The following ZNF619 variants were observed in gnomAD, a reference collection of about 807,000 sequenced individuals.
ZNF619 encodes zinc finger protein 619.
ZNF619 carries 9 observed loss-of-function variants against 14.2 expected under a neutral mutation model. That is an observed-to-expected ratio of 0.64 (90% CI 0.38 to 1.11). The LOEUF (loss-of-function observed/expected upper bound fraction) is 1.11. ZNF619 is among the 50% of genes least tolerant of loss of function. ZNF619 has a pLI of 0.01. For synonymous variants in ZNF619, 246 were observed against 252.8 expected, an observed-to-expected ratio of 0.97 and a Z score of 0.26; for missense variants, 659 against 680.1, an observed-to-expected ratio of 0.97 and a Z score of 0.34.
intron 4 of ZNF619, among the ~76,000 whole-genome samples, chr3:40,485,179 C>T (rs1282547843): frequency 6.6e-6 from 1 of 152,100 alleles, no homozygotes; most frequent in Admixed American, 6.5e-5. Flanking sequence ...AATCTAGAAC[C>T]ATATTCTTTA....
chr3:40,488,664 A>T lies in ZNF619; in HGVS notation c.*423A>T, dbSNP rs1697719750. 1 of 153,308 alleles carries T rather than the reference A, an allele frequency of 6.5e-6. No individual in the cohort carries two copies. Among genetic ancestry groups the T allele is most frequent in the Non-Finnish European group, 1.4e-5 (1 of 70,852 alleles). 9.5% of individuals were successfully genotyped at this position (153,308 alleles called of 1,614,324 possible). On this transcript the variant is annotated 3_prime_UTR_variant, in exon 5 of 5. Coordinates refer to ENST00000432264, the MANE Select transcript of ZNF619 (RefSeq NM_001145093.4). ...TGCTTTCAAGAGCTTTTTTTTTTTTAGGGGGTGGGGGGTGGTGCCGGAGTT... is the reference window on the plus strand; with the variant it reads ...TGCTTTCAAGAGCTTTTTTTTTTTTTGGGGGTGGGGGGTGGTGCCGGAGTT...
Position 40,478,002 on chromosome 3 carries a change from A to T in ZNF619, c.23A>T (p.Gln8Leu), listed in dbSNP as rs545070541. 3 of 1,553,226 alleles carry T rather than the reference A, an allele frequency of 1.9e-6. No homozygotes were observed. Among genetic ancestry groups the T allele is most frequent in the Non-Finnish European group, 1.7e-6 (2 of 1,147,672 alleles). Residue 8 changes from glutamine (Q) to leucine (L), a missense_variant and splice_region_variant, in exon 2 of 5, where the codon CAG becomes CTG. Gln to Leu is a moderately radical substitution (Grantham distance 113, BLOSUM62 -2). Coordinates refer to ENST00000432264, the MANE Select transcript of ZNF619 (RefSeq NM_001145093.4). MLQTVWFQGLGRNLLFQE... is the reference protein window; with the variant it reads MLQTVWFLGLGRNLLFQE... ...GCCATGCTCCAGACAGTGTGGTTCC[A>T]GGTGAGCAGAGCTTTCTTTCAGCTT...
Position 40,490,555 on chromosome 3 carries a change from C to T in ZNF619, c.*2314C>T, listed in dbSNP as rs1178811366. On this transcript the variant is annotated 3_prime_UTR_variant, in exon 5 of 5. Transcript: ENST00000432264. ...GGTCCACTTATGGACTTTCTTCTGC[C>T]TCTGTCACCCCTGAGATGGCAAGAC... is the stretch of plus-strand genomic sequence containing the variant. 2.0e-5 allele frequency among the ~76,000 whole-genome samples: 3 copies of T among 152,140 alleles called. No homozygotes were observed. Among genetic ancestry groups the T allele is most frequent in the Non-Finnish European group, 4.4e-5 (3 of 68,022 alleles).
At chr3:40,482,240 AG>A (rs773001011) in intron 3 of ZNF619, 44 of 1,551,594 alleles carry the variant, frequency 2.8e-5, no homozygotes, top group Admixed American at 9.8e-5. Flanking sequence ...ACCCAACTGC[AG>A]GGGGCTTTCC....
rs1271457261 is a variant in ZNF619 at position 40,487,627 on chromosome 3, G to A, written c.1117G>A (p.Glu373Lys). 1.2e-6 allele frequency: 2 copies of A among 1,614,104 alleles called. No individual in the cohort carries two copies. Among genetic ancestry groups the A allele is most frequent in the East Asian group, 2.2e-5 (1 of 44,880 alleles). ...AATCCACACTGGGGAGAAACCTTATGAATGTAAAGAGTGTGGCAAGGCCTT... is the reference window on the plus strand; with the variant it reads ...AATCCACACTGGGGAGAAACCTTATAAATGTAAAGAGTGTGGCAAGGCCTT... ...QRIHTGEKPYECKECGKAFHR... is the reference protein window; with the variant it reads ...QRIHTGEKPYKCKECGKAFHR... Residue 373 changes from glutamate (E) to lysine (K), a missense_variant, in exon 5 of 5, where the codon GAA becomes AAA. Transcript: ENST00000432264.
rs991100825 is a variant in ZNF619 at position 40,489,583 on chromosome 3, C to T, written c.*1342C>T. ...TTTCATATCTGTTGAATTTCAGTACCCACTCATATATGTAGGTACAAAAAG... is the reference window on the plus strand; with the variant it reads ...TTTCATATCTGTTGAATTTCAGTACTCACTCATATATGTAGGTACAAAAAG... On this transcript the variant is annotated 3_prime_UTR_variant, in exon 5 of 5. Coordinates refer to ENST00000432264, the MANE Select transcript of ZNF619 (RefSeq NM_001145093.4). 6.6e-6 allele frequency: 1 copy of T among 151,838 alleles called. No individual in the cohort carries two copies. The highest frequency in any genetic ancestry group is 1.5e-5 in the Non-Finnish European group (1 of 67,988). The allele number at this position is 151,838 out of a possible 1,614,324, so 9.4% of individuals were successfully genotyped here. A position where few individuals can be genotyped will look rare whatever the true frequency, so the allele number is the denominator to read the frequency against.
At position 40,488,401 on chromosome 3, in the gene ZNF619, G is replaced by C. The variant is rs1697711889; in HGVS notation, c.*160G>C. 1 of 576,448 alleles carries C rather than the reference G, an allele frequency of 1.7e-6. No individual in the cohort carries two copies. The highest frequency in any genetic ancestry group is 3.1e-6 in the Non-Finnish European group (1 of 327,120). The allele number at this position is 576,448 out of a possible 1,614,324, so 35.7% of individuals were successfully genotyped here. A position where few individuals can be genotyped will look rare whatever the true frequency, so the allele number is the denominator to read the frequency against. ...CACGCTTAAGGACCATGTTTGATTA[G>C]TTTCTTTTATCCCCCGGTAGGAAAT... On this transcript the variant is annotated 3_prime_UTR_variant, in exon 5 of 5. Transcript: ENST00000432264.
chr3:40,487,720 G>C lies in ZNF619; in HGVS notation c.1210G>C (p.Glu404Gln), dbSNP rs1697659883. 1.2e-6 allele frequency: 2 copies of C among 1,614,012 alleles called. No individual in the cohort carries two copies. The highest frequency in any genetic ancestry group is 2.7e-5 in the African/African-American group (2 of 74,886). Reference protein sequence around the residue: ...HTGEQLYKCNECWKTFSCSSR... With the variant: ...HTGEQLYKCNQCWKTFSCSSR... ...TGGGGAACAACTCTACAAATGTAAT[G>C]AATGTTGGAAAACTTTCAGCTGTAG... The change falls in exon 5 of 5, where the codon GAA becomes CAA. Residue 404 changes from glutamate to glutamine, a missense_variant. Glu to Gln is a conservative substitution (Grantham distance 29, BLOSUM62 2). Transcript: ENST00000432264.
chr3:40,481,094 A>G (rs967269128), intron 2 of ZNF619, among the ~76,000 whole-genome samples: 1 of 152,254 alleles, frequency 6.6e-6, no homozygotes, highest in Non-Finnish European at 1.5e-5. Context: ...CAGATGTGCT[A>G]TAATGATTGA....
intron 4 of ZNF619, 149 bp downstream of exon 4, chr3:40,482,853 C>A (rs1697452239): frequency 1.6e-6 from 1 of 621,348 alleles, no homozygotes; most frequent in Non-Finnish European, 2.8e-6. Context: ...CTTACCAGAA[C>A]TTCATCCCCG....
rs1035620991 is a variant in ZNF619 at position 40,487,719 on chromosome 3, T to C, written c.1209T>C (p.Asn403=). 2.5e-6 allele frequency: 4 copies of C among 1,613,462 alleles called. No individual in the cohort carries two copies. The highest frequency in any genetic ancestry group is 3.4e-6 in the Non-Finnish European group (4 of 1,179,922). Residue 403 remains asparagine (N), a synonymous_variant, in exon 5 of 5, where the codon AAT becomes AAC. Transcript: ENST00000432264. ...CTGGGGAACAACTCTACAAATGTAA[T>C]GAATGTTGGAAAACTTTCAGCTGTA... is the stretch of plus-strand genomic sequence containing the variant. The part of the protein sequence containing the change: ...FHTGEQLYKC[N]ECWKTFSCSS...
At chr3:40,482,856 C>T (rs867264262) in intron 4 of ZNF619, 152 bp downstream of exon 4, 3 of 614,292 alleles carry the variant, frequency 4.9e-6, no homozygotes, top group Non-Finnish European at 8.4e-6. Context: ...ACCAGAACTT[C>T]ATCCCCGAAC....
chr3:40,483,710 C>A (rs762412269), intron 4 of ZNF619: 2 of 439,568 alleles, frequency 4.5e-6, no homozygotes, highest in South Asian at 3.2e-5. Flanking sequence ...CTCACCGCAA[C>A]CTCTGCCTTC....
At position 40,482,683 on chromosome 3, in the gene ZNF619, G is replaced by T; in HGVS notation, c.274G>T (p.Ala92Ser). 3 of 1,613,836 alleles carry T rather than the reference G, an allele frequency of 1.9e-6. No individual in the cohort carries two copies. In the African/African-American group the frequency reaches 4.0e-5, roughly 22 times the overall value. The change falls in exon 4 of 5, where the codon GCC becomes TCC. Residue 92 changes from alanine to serine, a missense_variant. Transcript: ENST00000432264. ...PDPWTLAGGE[A>S]LRGMCTGGKT... ...TCCCTGGACACTTGCTGGGGGAGAG[G>T]CCCTGAGAGGCATGTGCACAGGTGA...
At position 40,490,857 on chromosome 3, in the gene ZNF619, G is replaced by A. The variant is rs888395900; in HGVS notation, c.*2616G>A. Among the ~76,000 whole-genome samples, 9 of 152,148 alleles carry A rather than the reference G, an allele frequency of 5.9e-5. No homozygotes were observed. The highest frequency in any genetic ancestry group is 1.0e-4 in the Non-Finnish European group (7 of 68,038). On this transcript the variant is annotated 3_prime_UTR_variant, in exon 5 of 5. Transcript: ENST00000432264. ...GTTAAAAGTTATACATGGCATGGGGGTTGGTGCCCATATGATGGGACTGAT... is the reference window on the plus strand; with the variant it reads ...GTTAAAAGTTATACATGGCATGGGGATTGGTGCCCATATGATGGGACTGAT...
intron 4 of ZNF619, among the ~76,000 whole-genome samples, chr3:40,483,074 G>A (rs564088389): frequency 5.9e-5 from 9 of 152,234 alleles, no homozygotes; most frequent in Admixed American, 2.0e-4. Context: ...GCTGGGCATG[G>A]TGGCATGTGC....
At position 40,481,880 on chromosome 3, in the gene ZNF619, G is replaced by T; in HGVS notation, c.42G>T (p.Leu14=). The T allele has an allele frequency of 6.2e-7, 1 of 1,610,786 alleles. No individual in the cohort carries two copies. The highest frequency in any genetic ancestry group is 8.5e-7 in the Non-Finnish European group (1 of 1,178,544). ...TTGTGCAGGGCTTGGGCAGGAACCT[G>T]TTGTTTCAGGAGCCAGTAACCTTTG... is the stretch of plus-strand genomic sequence containing the variant. ...TVWFQGLGRN[L]LFQEPVTFED... Residue 14 remains leucine, a synonymous_variant, in exon 3 of 5, where the codon CTG becomes CTT. Coordinates refer to ENST00000432264, the MANE Select transcript of ZNF619 (RefSeq NM_001145093.4).
chr3:40,485,302 A>ATTTT (rs5848567), intron 4 of ZNF619, among the ~76,000 whole-genome samples: 9 of 143,012 alleles, frequency 6.3e-5, no homozygotes, highest in African/African-American at 1.3e-4. Flanking sequence ...TGAATGCATC[A>ATTTT]TTTTTTTTTT....
At position 40,487,292 on chromosome 3, in the gene ZNF619, C is replaced by T; in HGVS notation, c.782C>T (p.Ser261Leu). Residue 261 changes from serine (S) to leucine (L), a missense_variant, in exon 5 of 5, where the codon TCA becomes TTA. By Grantham distance (145) the Ser-to-Leu change is moderately radical. Coordinates refer to ENST00000432264, the MANE Select transcript of ZNF619 (RefSeq NM_001145093.4). ...ATCCACACTGGAGAGAAACCATACT[C>T]ATGTGAGGAATGTGGACAAGCCTTC... The part of the protein sequence containing the change: ...QKIHTGEKPY[S>L]CEECGQAFSQ... 2 of 1,614,052 alleles carry T rather than the reference C, an allele frequency of 1.2e-6. No individual in the cohort carries two copies. Among genetic ancestry groups the T allele is most frequent in the Non-Finnish European group, 1.7e-6 (2 of 1,179,994 alleles).
Sources: gnomAD v4.1 joint callset for allele counts (sites outside exome capture counted in the v4.1 genomes callset) on GRCh38, gnomAD v4.1.1 for gene constraint, MANE v1.5 for transcripts, NCBI Gene and HGNC (gene_info 2026-07-23, HGNC 2026-07-21) for gene names.